CLTC: variants seen among roughly 807,000 people sequenced by gnomAD.
The protein encoded by CLTC is clathrin heavy chain.
A neutral mutation model predicts 195.8 loss-of-function variants in CLTC; 16 were observed. That is an observed-to-expected ratio of 0.08 (90% CI 0.06 to 0.12). CLTC has a LOEUF of 0.12. CLTC is among the 10% of genes least tolerant of loss of function. CLTC has a pLI of 1.00. For synonymous variants in CLTC, 667 were observed against 689.4 expected, an observed-to-expected ratio of 0.97 and a Z score of 0.51; for missense variants, 796 against 2,027.0, an observed-to-expected ratio of 0.39 and a Z score of 11.66.
intron 14 of CLTC, among the ~76,000 whole-genome samples, chr17:59,669,545 C>T (rs2032800713): frequency 6.6e-6 from 1 of 152,146 alleles, no homozygotes; most frequent in Non-Finnish European, 1.5e-5. Context: ...TAGAACATCC[C>T]TAAGGGCAGT....
chr17:59,654,993 C>G (rs2032429850), intron 5 of CLTC, among the ~76,000 whole-genome samples: 1 of 152,238 alleles, frequency 6.6e-6, no homozygotes, highest in South Asian at 2.1e-4. Flanking sequence ...TTCTGCATAT[C>G]AGCAAGAAAG....
intron 6 of CLTC, 104 bp downstream of exon 6, chr17:59,656,131 A>G: frequency 2.0e-6 from 2 of 1,009,506 alleles, no homozygotes; most frequent in Non-Finnish European, 1.4e-6. Context: ...AAAATAGAAA[A>G]TAAACATATT....
At chr17:59,624,239 C>G (rs1213266856) in intron 1 of CLTC, among the ~76,000 whole-genome samples, 1 of 152,010 alleles carries the variant, frequency 6.6e-6, no homozygotes, top group Non-Finnish European at 1.5e-5. Context: ...AGTCTTCTGA[C>G]ACAAAATATT....
intron 2 of CLTC, among the ~76,000 whole-genome samples, 184 bp from the exon 3 acceptor site, chr17:59,647,214 A>G (rs1360890759): frequency 6.6e-6 from 1 of 152,214 alleles, no homozygotes; most frequent in Non-Finnish European, 1.5e-5. Flanking sequence ...GTTTTTGCTT[A>G]AAACGTAGAT....
rs780608860 is a variant in CLTC, at chr17:59,679,445, C to T, written c.2845C>T (p.Arg949Cys). ...LFKSLSRYLV[R>C]RKDPELWGSV... ...CAAAAGTCTTTCTCGCTACCTGGTA[C>T]GTCGAAAGGATCCAGAATTGTGGGG... Residue 949 changes from arginine to cysteine, a missense_variant, in exon 18 of 32, where the codon CGT becomes TGT. Physicochemically the swap from Arg to Cys is radical, Grantham distance 180. Transcript: ENST00000269122. 5.6e-6 allele frequency: 9 copies of T among 1,608,856 alleles called. No homozygotes were observed. Among genetic ancestry groups the T allele is most frequent in the Non-Finnish European group, 7.6e-6 (9 of 1,177,336 alleles).
Position 59,682,639 on chromosome 17 carries a change from G to A in CLTC, c.3611G>A (p.Arg1204His), listed in dbSNP as rs148113473. The A allele has an allele frequency of 2.4e-5, 39 of 1,613,660 alleles. No individual in the cohort carries two copies. The highest frequency in any genetic ancestry group is 4.4e-5 in the South Asian group (4 of 91,044). ...NNAHIQQVGD[R>H]CYDEKMYDAA... ...CCTTTTTTTTTCCAGGTTGGTGACC[G>A]TTGTTATGATGAAAAAATGTATGAT... is the stretch of plus-strand genomic sequence containing the variant. The change falls in exon 23 of 32, where the codon CGT (arginine) becomes CAT (histidine). Residue 1204 changes from arginine (R) to histidine (H), a missense_variant. Around this residue, in one of 9 missense-constraint regions of CLTC, gnomAD observed 102 missense variants for 317.6 expected, o/e 0.32. Coordinates refer to ENST00000269122, the MANE Select transcript of CLTC (RefSeq NM_004859.4). The surrounding 1 kb of genome is among the most constrained non-coding windows in gnomAD (Gnocchi z 6.8).
intron 14 of CLTC, among the ~76,000 whole-genome samples, chr17:59,673,311 C>T (rs910595879): frequency 5.3e-5 from 8 of 152,076 alleles, no homozygotes; most frequent in Admixed American, 3.9e-4. Flanking sequence ...ATTTTAAATA[C>T]GGTAGAAGTG....
At position 59,694,658 on chromosome 17, in the gene CLTC, C is replaced by T. The variant is rs1373338870; in HGVS notation, c.*806C>T. On this transcript the variant is annotated 3_prime_UTR_variant, in exon 32 of 32. Transcript: ENST00000269122. Reference sequence around the variant, plus strand: ...TGTTGGATATTGTGGTGTTTTAGATCACTGAGTGTACAGAAGAGAGAAATT... The same window carrying T: ...TGTTGGATATTGTGGTGTTTTAGATTACTGAGTGTACAGAAGAGAGAAATT... 1 of 225,790 alleles carries T rather than the reference C, an allele frequency of 4.4e-6. No individual in the cohort carries two copies. Among genetic ancestry groups the T allele is most frequent in the Admixed American group, 5.7e-5 (1 of 17,524 alleles). 14.0% of individuals were successfully genotyped at this position (225,790 alleles called of 1,614,324 possible). A position where few individuals can be genotyped will look rare whatever the true frequency, so the allele number is the denominator to read the frequency against.
At chr17:59,672,448 TAC>T (rs1186195828) in intron 14 of CLTC, among the ~76,000 whole-genome samples, 1 of 57,458 alleles carries the variant, frequency 1.7e-5, no homozygotes, top group Non-Finnish European at 5.1e-5. Context: ...TGTTGATCCA[TAC>T]TTTTTTGATG....
intron 5 of CLTC, 131 bp downstream of exon 5, chr17:59,651,447 C>G: frequency 1.5e-6 from 1 of 671,716 alleles, no homozygotes; most frequent in Admixed American, 2.8e-5. Context: ...ATTAGTGAAG[C>G]TTTGTAAAAT....
chr17:59,684,038 T>G, intron 28 of CLTC, 53 bp downstream of exon 28: 1 of 1,188,818 alleles, frequency 8.4e-7, no homozygotes, highest in South Asian at 1.3e-5. Flanking sequence ...AGTTATGTTT[T>G]CCCATTTTTT....
chr17:59,619,956 G>C lies in CLTC; in HGVS notation c.-176G>C. On this transcript the variant is annotated 5_prime_UTR_variant, in exon 1 of 32. Transcript: ENST00000269122. ...CATTGCGGCTCTCCTGGCCCCTGGAGCCTCCGCCCCCGACCCGAGCTCTTT... is the reference window on the plus strand; with the variant it reads ...CATTGCGGCTCTCCTGGCCCCTGGACCCTCCGCCCCCGACCCGAGCTCTTT... 1.7e-6 allele frequency: 1 copy of C among 602,158 alleles called. No homozygotes were observed. Among genetic ancestry groups the C allele is most frequent in the South Asian group, 2.0e-5 (1 of 49,120 alleles). 37.3% of individuals were successfully genotyped at this position (602,158 alleles called of 1,614,324 possible).
At position 59,680,907 on chromosome 17, in the gene CLTC, T is replaced by C; in HGVS notation, c.2920-5T>C. 4 of 1,611,586 alleles carry C rather than the reference T, an allele frequency of 2.5e-6. No individual in the cohort carries two copies. Among genetic ancestry groups the C allele is most frequent in the Non-Finnish European group, 3.4e-6 (4 of 1,178,816 alleles). On this transcript the variant is annotated splice_region_variant and splice_polypyrimidine_tract_variant and intron_variant, in intron 18 of 31. Coordinates refer to ENST00000269122, the MANE Select transcript of CLTC (RefSeq NM_004859.4). ...CAGTACTTATGTCCCATATATCCTC[T>C]GTAGGTTGTACAAACAGCTTTGTCT...
At chr17:59,645,825 G>A (rs1280835880) in intron 2 of CLTC, among the ~76,000 whole-genome samples, 3 of 150,728 alleles carry the variant, frequency 2.0e-5, no homozygotes, top group South Asian at 2.1e-4. Context: ...GACAGTAAGT[G>A]TTTTACTTCT....
At chr17:59,639,436 T>A (rs1233412669) in intron 1 of CLTC, among the ~76,000 whole-genome samples, 5 of 152,192 alleles carry the variant, frequency 3.3e-5, no homozygotes, top group Non-Finnish European at 4.4e-5. Flanking sequence ...AAAATTCTTT[T>A]AAGTTAAAAA....
chr17:59,683,929 A>G lies in CLTC; in HGVS notation c.4378A>G (p.Asn1460Asp). 1 of 1,613,762 alleles carries G rather than the reference A, an allele frequency of 6.2e-7. No homozygotes were observed. ...TTTGCGTTCAGTTCAGAACCATAAC[A>G]ACAAATCTGTGAATGAATCATTGAA... Reference protein sequence around the residue: ...PYLRSVQNHNNKSVNESLNNL... With the variant: ...PYLRSVQNHNDKSVNESLNNL... Residue 1460 changes from asparagine to aspartate, a missense_variant, in exon 28 of 32, where the codon AAC becomes GAC. Coordinates refer to ENST00000269122, the MANE Select transcript of CLTC (RefSeq NM_004859.4). This position sits in a 1 kb window ranked among gnomAD's most constrained non-coding sequence, Gnocchi z 6.1.
chr17:59,645,940 A>G lies in CLTC; in HGVS notation c.250+1457A>G, dbSNP rs140015093. ...TCTCTATTAAAAGGCCATCATTTTA[A>G]TTTTGCCAAAATTCTTTTCTATTTT... On this transcript the variant is annotated intron_variant, in intron 2 of 31. Transcript: ENST00000269122. 2.8e-4 allele frequency: 134 copies of G among 477,796 alleles called. 3 individuals are homozygous for G. In the East Asian group the frequency reaches 0.015, roughly 55 times the overall value. 29.6% of individuals were successfully genotyped at this position (477,796 alleles called of 1,614,324 possible). A position where few individuals can be genotyped will look rare whatever the true frequency, so the allele number is the denominator to read the frequency against.
rs751915568 is a variant in CLTC at position 59,681,304 on chromosome 17, A to G, written c.3075A>G (p.Gln1025=). The change falls in exon 20 of 32, where the codon CAA becomes CAG. Residue 1025 remains glutamine (Q), a synonymous_variant. Coordinates refer to ENST00000269122, the MANE Select transcript of CLTC (RefSeq NM_004859.4). The surrounding 1 kb of genome is among the most constrained non-coding windows in gnomAD (Gnocchi z 5.0). ...CTTTTTTTTCTTAAAGGAATCTGCAAAACCTCCTTATCCTCACTGCAATTA... is the reference window on the plus strand; with the variant it reads ...CTTTTTTTTCTTAAAGGAATCTGCAGAACCTCCTTATCCTCACTGCAATTA... ...NSVFSEHRNL[Q]NLLILTAIKA... is the part of the protein sequence containing the mutation. 3 of 1,593,510 alleles carry G rather than the reference A, an allele frequency of 1.9e-6. No homozygotes were observed. The highest frequency in any genetic ancestry group is 4.5e-5 in the East Asian group (2 of 44,628).
In CLTC at chr17:59,690,683, A is replaced by G. The variant is rs758907722; in HGVS notation, c.4875A>G (p.Gln1625=). 2.5e-6 allele frequency: 4 copies of G among 1,613,342 alleles called. No individual in the cohort carries two copies. The highest frequency in any genetic ancestry group is 3.3e-5 in the Admixed American group (2 of 59,948). ...ASESLRKEEE[Q]ATETQPIVYG... is the part of the protein sequence containing the mutation. ...AATCACTGAGAAAAGAAGAAGAACA[A>G]GCTACAGAGACACAACCCATTGTTT... is the stretch of plus-strand genomic sequence containing the variant. The change falls in exon 31 of 32, where the codon CAA becomes CAG. Residue 1625 remains glutamine, a synonymous_variant. Transcript: ENST00000269122.
Sources: gnomAD v4.1 joint callset for allele counts (sites outside exome capture counted in the v4.1 genomes callset) on GRCh38, gnomAD v4.1.1 for gene constraint, gnomAD v4.1.1 regional missense constraint, Gnocchi (gnomAD v3.1) non-coding constraint, MANE v1.5 for transcripts, NCBI Gene and HGNC (gene_info 2026-07-23, HGNC 2026-07-21) for gene names.